The following CCDC80 variants were observed in gnomAD, a reference collection of about 807,000 sequenced individuals.
CCDC80 encodes the protein coiled-coil domain-containing protein 80.
A neutral mutation model predicts 78.7 loss-of-function variants in CCDC80; 49 were observed. That is an observed-to-expected ratio of 0.62 (90% CI 0.50 to 0.79). The LOEUF is 0.79. Ranked by LOEUF, CCDC80 falls within the 30% of genes least tolerant of loss-of-function variation. The pLI is 0.00. For synonymous variants in CCDC80, 488 were observed against 447.0 expected (o/e 1.09, Z -1.16); for missense variants, 1,205 against 1,198.6 (o/e 1.01, Z -0.08).
Position 112,605,734 on chromosome 3 carries a change from G to A in CCDC80, c.2536C>T (p.Pro846Ser), listed in dbSNP as rs764799567. 8.7e-6 allele frequency: 14 copies of A among 1,614,108 alleles called. No homozygotes were observed. In the South Asian group the frequency reaches 1.4e-4, roughly 16 times the overall value. Residue 846 changes from proline (P) to serine (S), a missense_variant, in exon 8 of 8, where the codon CCA becomes TCA. Physicochemically the swap from Pro to Ser is moderately conservative, Grantham distance 74 (BLOSUM62 -1). Transcript: ENST00000206423. Reference protein sequence around the residue: ...GSSVVEREDVPAHLVKDIRNY... With the variant: ...GSSVVEREDVSAHLVKDIRNY... ...CGAATGTCTTTCACCAAATGGGCTGGTACGTCTTCTCGCTCAACAACAGAG... is the reference window on the plus strand; with the variant it reads ...CGAATGTCTTTCACCAAATGGGCTGATACGTCTTCTCGCTCAACAACAGAG...
intron 2 of CCDC80, among the ~76,000 whole-genome samples, chr3:112,637,762 C>T (rs1936235007): frequency 6.6e-6 from 1 of 152,140 alleles, no homozygotes. Context: ...ACTACAGGTG[C>T]TCTCCTGGGC....
In CCDC80 at chr3:112,597,340, C is replaced by T. The variant is rs1035716352; in HGVS notation, c.*8077G>A. 4 of 152,186 alleles carry T rather than the reference C, an allele frequency of 2.6e-5. No homozygotes were observed. The highest frequency in any genetic ancestry group is 4.1e-4 in the South Asian group (2 of 4,834). The allele number at this position is 152,186 out of a possible 1,614,324, so 9.4% of individuals were successfully genotyped here. A position where few individuals can be genotyped will look rare whatever the true frequency, so the allele number is the denominator to read the frequency against. Reference sequence around the variant, plus strand: ...TGTCACCCATCTTTGGCCTCTTAGCCGGAGCTGATCCTTACATGGGCAGTA... The same window carrying T: ...TGTCACCCATCTTTGGCCTCTTAGCTGGAGCTGATCCTTACATGGGCAGTA... On this transcript the variant is annotated 3_prime_UTR_variant, in exon 8 of 8. Transcript: ENST00000206423.
In CCDC80 at chr3:112,604,005, T is replaced by G. The variant is rs1482519806; in HGVS notation, c.*1412A>C. Reference sequence around the variant, plus strand: ...ATAGCAAGAGAACTGGAATTAGAAGTGGAGCCTGAAGATGTGACTGAATTG... The same window carrying G: ...ATAGCAAGAGAACTGGAATTAGAAGGGGAGCCTGAAGATGTGACTGAATTG... On this transcript the variant is annotated 3_prime_UTR_variant, in exon 8 of 8. Transcript: ENST00000206423. 1 of 152,224 alleles carries G rather than the reference T, an allele frequency of 6.6e-6. No individual in the cohort carries two copies. Among genetic ancestry groups the G allele is most frequent in the Admixed American group, 6.5e-5 (1 of 15,270 alleles). The allele number at this position is 152,224 out of a possible 1,614,324, so 9.4% of individuals were successfully genotyped here.
chr3:112,636,513 A>T (rs1936210229), intron 2 of CCDC80, among the ~76,000 whole-genome samples: 1 of 152,234 alleles, frequency 6.6e-6, no homozygotes, highest in African/African-American at 2.4e-5. Context: ...AGCTAAGAAA[A>T]TTTGGGATAT....
rs764640755 is a variant in CCDC80 at position 112,605,401 on chromosome 3, G to A, written c.*16C>T. The stretch of plus-strand genomic sequence containing the variant: ...TGCAGAGGAAACTGGCTGAGTCTAA[G>A]GTTACATATTTCTGCTCAGTAAGGG... On this transcript the variant is annotated 3_prime_UTR_variant, in exon 8 of 8. Transcript: ENST00000206423. 6 of 1,583,374 alleles carry A rather than the reference G, an allele frequency of 3.8e-6. No homozygotes were observed. The African/African-American group carries it at 8.1e-5, about 21-fold the overall frequency.
Position 112,602,033 on chromosome 3 carries a change from G to A in CCDC80, c.*3384C>T, listed in dbSNP as rs1576775566. The A allele has an allele frequency of 6.6e-6, 1 of 152,122 alleles. No homozygotes were observed. Among genetic ancestry groups the A allele is most frequent in the African/African-American group, 2.4e-5 (1 of 41,410 alleles). The allele number at this position is 152,122 out of a possible 1,614,324, so 9.4% of individuals were successfully genotyped here. A position where few individuals can be genotyped will look rare whatever the true frequency, so the allele number is the denominator to read the frequency against. Reference sequence around the variant, plus strand: ...TTTGTGGCAACCCTGCATCAAGGAAGTCTGTTGACATCATTTTTGCAATAG... The same window carrying A: ...TTTGTGGCAACCCTGCATCAAGGAAATCTGTTGACATCATTTTTGCAATAG... On this transcript the variant is annotated 3_prime_UTR_variant, in exon 8 of 8. Transcript: ENST00000206423.
chr3:112,624,230 A>AT (rs1935921293), intron 3 of CCDC80, among the ~76,000 whole-genome samples: 1 of 152,136 alleles, frequency 6.6e-6, no homozygotes, highest in Non-Finnish European at 1.5e-5. Flanking sequence ...ATTCATATAT[A>AT]TTTTTTTCTA....
In CCDC80 at chr3:112,638,901, G is replaced by A. The variant is rs142487240; in HGVS notation, c.1005C>T (p.Ala335=). The A allele has an allele frequency of 7.4e-6, 12 of 1,613,384 alleles. No individual in the cohort carries two copies. Among genetic ancestry groups the A allele is most frequent in the Admixed American group, 5.0e-5 (3 of 60,012 alleles). The stretch of plus-strand genomic sequence containing the variant: ...GTTGGGGCAAAGCTGGTGCAGTGGC[G>A]GCCAGTTTTCTCAGGACCTTCACCC... ...ESRVKVLRKL[A]ATAPALPQPP... Residue 335 remains alanine, a synonymous_variant, in exon 2 of 8, where the codon GCC becomes GCT. Transcript: ENST00000206423.
In CCDC80 at chr3:112,609,996, C is replaced by G. The variant is rs1935591594; in HGVS notation, c.2407G>C (p.Gly803Arg). ...CACTCACCAAAATTGCACGCCTGAC[C>G]ACTGAGGGCAGAGAGCTGCTGTGAA... ...AYSQQLSALS[G>R]QACNFGLRHI... Residue 803 changes from glycine to arginine, a missense_variant, in exon 6 of 8, where the codon GGT becomes CGT. By Grantham distance (125) the Gly-to-Arg change is moderately radical. Coordinates refer to ENST00000206423, the MANE Select transcript of CCDC80 (RefSeq NM_199511.3). The G allele has an allele frequency of 6.2e-7, 1 of 1,613,538 alleles. No homozygotes were observed. The highest frequency in any genetic ancestry group is 1.7e-5 in the Admixed American group (1 of 59,948).
chr3:112,622,191 T>C (rs1333674801), intron 3 of CCDC80, among the ~76,000 whole-genome samples: 1 of 152,214 alleles, frequency 6.6e-6, no homozygotes, highest in Non-Finnish European at 1.5e-5. Flanking sequence ...AAACTTTGCT[T>C]TACTAGTATA....
At chr3:112,616,449 G>GAAAAAAAAAAAAA (rs59366104) in intron 5 of CCDC80, among the ~76,000 whole-genome samples, 1 of 133,648 alleles carries the variant, frequency 7.5e-6, no homozygotes. Flanking sequence ...AAAAAGAAAA[G>GAAAAAAAAAAAAA]AAAAAAAAAA....
At chr3:112,616,682 C>G in intron 5 of CCDC80, 28 bp downstream of exon 5, 1 of 1,613,288 alleles carries the variant, frequency 6.2e-7, no homozygotes, top group Non-Finnish European at 8.5e-7. Context: ...TTGCACCTTC[C>G]TCTTTAGCGA....
chr3:112,616,889 G>GT (rs1414589371), intron 4 of CCDC80, 31 bp from the exon 5 acceptor site: 2 of 1,602,404 alleles, frequency 1.2e-6, no homozygotes, highest in Non-Finnish European at 1.7e-6. Context: ...TGCATTTAAT[G>GT]TACAAGTGCA....
rs1253751430 is a variant in CCDC80, at chr3:112,603,376, G to A, written c.*2041C>T. ...CTAAAAATACAAAAATAAGCTGGGT[G>A]TAGTGGTGGGCGCCTGTAAATCCAG... is the stretch of plus-strand genomic sequence containing the variant. On this transcript the variant is annotated 3_prime_UTR_variant, in exon 8 of 8. Coordinates refer to ENST00000206423, the MANE Select transcript of CCDC80 (RefSeq NM_199511.3). 1 of 151,734 alleles carries A rather than the reference G, an allele frequency of 6.6e-6. No homozygotes were observed. Among genetic ancestry groups the A allele is most frequent in the Non-Finnish European group, 1.5e-5 (1 of 67,920 alleles). The allele number at this position is 151,734 out of a possible 1,614,324, so 9.4% of individuals were successfully genotyped here.
At chr3:112,624,641 C>T (rs1262801049) in intron 3 of CCDC80, among the ~76,000 whole-genome samples, 1 of 152,138 alleles carries the variant, frequency 6.6e-6, no homozygotes, top group East Asian at 1.9e-4. Context: ...CTGGCCATTC[C>T]TGATCACTTT....
At chr3:112,632,582 TC>T (rs1298430234) in intron 2 of CCDC80, among the ~76,000 whole-genome samples, 2 of 152,062 alleles carry the variant, frequency 1.3e-5, no homozygotes, top group Non-Finnish European at 2.9e-5. Flanking sequence ...TCTAGTCTTC[TC>T]CCCCTTGTGT....
chr3:112,612,708 G>A (rs1935655565), intron 5 of CCDC80, among the ~76,000 whole-genome samples: 1 of 152,126 alleles, frequency 6.6e-6, no homozygotes, highest in Admixed American at 6.5e-5. Context: ...TCTGTCTCAG[G>A]GAAAGGTGAT....
intron 5 of CCDC80, among the ~76,000 whole-genome samples, chr3:112,610,504 T>C (rs1186421963): frequency 1.3e-5 from 2 of 152,106 alleles, no homozygotes; most frequent in East Asian, 1.9e-4. Context: ...AAGAAATGAA[T>C]ATACGGAAAG....
rs1935314669 is a variant in CCDC80 at position 112,598,186 on chromosome 3, A to AAG, written c.*7229_*7230dup. ...CATAAAAAGCAAGCCAAAGATAGAAAAGAGAGCTAAGGCTACAGGAGGAAT... is the reference window on the plus strand; with the variant it reads ...CATAAAAAGCAAGCCAAAGATAGAAAAGAGAGAGCTAAGGCTACAGGAGGAAT... On this transcript the variant is annotated 3_prime_UTR_variant, in exon 8 of 8. Transcript: ENST00000206423. The AAG allele has an allele frequency of 6.6e-6, 1 of 152,250 alleles. No homozygotes were observed. Among genetic ancestry groups the AAG allele is most frequent in the South Asian group, 2.1e-4 (1 of 4,830 alleles). The allele number at this position is 152,250 out of a possible 1,614,324, so 9.4% of individuals were successfully genotyped here.
Sources: allele counts gnomAD v4.1 joint callset (sites outside exome capture counted in the v4.1 genomes callset), GRCh38; gene constraint gnomAD v4.1.1; transcripts MANE v1.5; gene names NCBI Gene and HGNC (gene_info 2026-07-23, HGNC 2026-07-21).